Variants in NAV3 observed in about 807,000 individuals in gnomAD.
NAV3 encodes pore membrane and/or filament interacting like protein 1.
In NAV3, 87 loss-of-function variants were observed where a neutral mutation model predicts 244.7. The ratio of observed to expected loss-of-function variants is 0.36; its 90% CI spans 0.30 to 0.42. NAV3 has a LOEUF of 0.42. Ranked by LOEUF, NAV3 falls within the 20% of genes least tolerant of loss-of-function variation. The pLI is 1.00. For synonymous variants in NAV3, 1,126 were observed against 1,042.2 expected, an observed-to-expected ratio of 1.08 and a Z score of -1.55; for missense variants, 2,663 against 2,893.3, an observed-to-expected ratio of 0.92 and a Z score of 1.83.
intron 13 of NAV3, 108 bp from the exon 14 acceptor site, chr12:78,117,919 A>C: frequency 9.0e-7 from 1 of 1,111,482 alleles, no homozygotes; most frequent in Non-Finnish European, 1.2e-6. Flanking sequence ...GTAAATCAAA[A>C]TAGAATCTTT....
intron 2 of NAV3, among the ~76,000 whole-genome samples, chr12:77,727,087 G>C (rs1157381081): frequency 6.6e-6 from 1 of 151,946 alleles, no homozygotes; most frequent in African/African-American, 2.4e-5. Context: ...ACCATATTGA[G>C]GAATATCCAC....
At chr12:78,142,946 T>G (rs4540866) in intron 20 of NAV3, among the ~76,000 whole-genome samples, 62 of 151,586 alleles carry the variant, frequency 4.1e-4, no homozygotes, top group Admixed American at 4.0e-3. Context: ...GGGAACTACT[T>G]AAGAGAAAAA....
intron 5 of NAV3, among the ~76,000 whole-genome samples, chr12:77,978,645 C>A (rs1457842301): frequency 2.0e-5 from 3 of 151,760 alleles, no homozygotes; most frequent in Admixed American, 6.6e-5. Context: ...TAAAAACTAA[C>A]CTCATCTCAA....
At chr12:77,931,511 A>G (rs1888788938) in intron 1 of NAV3, among the ~76,000 whole-genome samples, 1 of 152,024 alleles carries the variant, frequency 6.6e-6, no homozygotes, top group African/African-American at 2.4e-5. Flanking sequence ...TTTATTTCAG[A>G]GAATTTTATC....
chr12:78,148,431 A>C (rs1451992869), intron 21 of NAV3, among the ~76,000 whole-genome samples: 1 of 152,290 alleles, frequency 6.6e-6, no homozygotes, highest in South Asian at 2.1e-4. Flanking sequence ...TTTCTGAAAA[A>C]GAACATGGAG....
intron 1 of NAV3, among the ~76,000 whole-genome samples, chr12:77,892,137 C>T (rs1416564168): frequency 6.6e-6 from 1 of 152,122 alleles, no homozygotes; most frequent in Non-Finnish European, 1.5e-5. Context: ...TTCAAACTGA[C>T]ATTAAAATAG....
At chr12:77,745,110 A>G (rs779824310) in intron 2 of NAV3, among the ~76,000 whole-genome samples, 5 of 152,034 alleles carry the variant, frequency 3.3e-5, no homozygotes, top group African/African-American at 4.8e-5. Flanking sequence ...CTTAAAAATT[A>G]ATGATCTAGA....
chr12:77,681,208 A>G (rs1874442141), intron 2 of NAV3, among the ~76,000 whole-genome samples: 1 of 152,228 alleles, frequency 6.6e-6, no homozygotes, highest in Admixed American at 6.5e-5. Context: ...AACTTACTTC[A>G]TCTCCCTTGT....
At chr12:77,939,110 T>A (rs1399643782) in intron 1 of NAV3, among the ~76,000 whole-genome samples, 8 of 152,170 alleles carry the variant, frequency 5.3e-5, no homozygotes, top group African/African-American at 9.6e-5. Context: ...ATTACTTTTT[T>A]AAATGTGAAT....
At chr12:77,996,846 A>T (rs1468668755) in intron 6 of NAV3, among the ~76,000 whole-genome samples, 2 of 152,162 alleles carry the variant, frequency 1.3e-5, no homozygotes, top group Non-Finnish European at 2.9e-5. Context: ...TTTCCTTTCA[A>T]ATAAAAAATT....
intron 2 of NAV3, among the ~76,000 whole-genome samples, chr12:77,790,112 G>A (rs111252825): frequency 1.3e-5 from 2 of 152,230 alleles, no homozygotes; most frequent in African/African-American, 4.8e-5. Flanking sequence ...CCAGTAATAA[G>A]CCTCTTACAC....
At chr12:77,585,715 G>A (rs1446830092) in intron 2 of NAV3, among the ~76,000 whole-genome samples, 2 of 152,134 alleles carry the variant, frequency 1.3e-5, no homozygotes, top group Admixed American at 6.5e-5. Context: ...AATGCTCCTC[G>A]CCTGTCACTC....
intron 2 of NAV3, among the ~76,000 whole-genome samples, chr12:77,744,519 G>C (rs1051096097): frequency 1.3e-5 from 2 of 151,912 alleles, no homozygotes; most frequent in Non-Finnish European, 2.9e-5. Context: ...CTACCCGATG[G>C]AAAATTGTTG....
At chr12:78,111,033 G>T (rs1305530622) in intron 12 of NAV3, among the ~76,000 whole-genome samples, 1 of 151,878 alleles carries the variant, frequency 6.6e-6, no homozygotes, top group Non-Finnish European at 1.5e-5. Flanking sequence ...ATGAATGGAG[G>T]GTAGGAGGGA....
intron 1 of NAV3, among the ~76,000 whole-genome samples, chr12:77,907,044 A>G (rs1337224942): frequency 6.6e-6 from 1 of 152,106 alleles, no homozygotes; most frequent in Non-Finnish European, 1.5e-5. Context: ...CTAAGAAGCT[A>G]TGCTGATTGT....
chr12:78,210,374 T>A, intron 39 of NAV3, 24 bp from the exon 40 acceptor site: 2 of 1,613,050 alleles, frequency 1.2e-6, no homozygotes, highest in Non-Finnish European at 1.7e-6. Context: ...ATTGCCTACA[T>A]CGATGTCTTT....
At chr12:78,188,478 A>C in intron 32 of NAV3, 131 bp from the exon 33 acceptor site, 9 of 1,154,790 alleles carry the variant, frequency 7.8e-6, no homozygotes, top group Non-Finnish European at 1.1e-5. Flanking sequence ...GTGCTATTTG[A>C]TATTAACAGT....
At chr12:77,854,832 A>G (rs944970658) in intron 1 of NAV3, among the ~76,000 whole-genome samples, 7 of 152,180 alleles carry the variant, frequency 4.6e-5, no homozygotes, top group Non-Finnish European at 8.8e-5. Context: ...GCTGACTAAC[A>G]TCTGGCCGGG....
At chr12:78,209,371 A>T (rs1232078785) in intron 39 of NAV3, among the ~76,000 whole-genome samples, 1 of 151,998 alleles carries the variant, frequency 6.6e-6, no homozygotes. Context: ...AAAACTTTTG[A>T]TTATAGAATA....
Sources: gnomAD v4.1 joint callset for allele counts (sites outside exome capture counted in the v4.1 genomes callset) on GRCh38, gnomAD v4.1.1 for gene constraint, MANE v1.5 for transcripts, NCBI Gene and HGNC (gene_info 2026-07-23, HGNC 2026-07-21) for gene names.